GPN2: variants seen among roughly 807,000 people sequenced by gnomAD.
The protein encoded by GPN2 is ATP-binding domain 1 family member B.
A neutral mutation model predicts 30.1 loss-of-function variants in GPN2; 27 were observed. That is an observed-to-expected ratio of 0.90 (90% CI 0.66 to 1.24). The LOEUF (loss-of-function observed/expected upper bound fraction) is 1.24, where lower values mean the gene tolerates loss of function less well. Among genes scored for constraint, GPN2 ranks in the 50% most tolerant of loss-of-function variants. The pLI is 0.00. For synonymous variants in GPN2, 212 were observed against 174.4 expected (o/e 1.22, Z -1.70); for missense variants, 406 against 405.4 (o/e 1.00, Z -0.01).
At chr1:26,883,086 T>C (rs979736528) in intron 4 of GPN2, among the ~76,000 whole-genome samples, 2 of 152,228 alleles carry the variant, frequency 1.3e-5, no homozygotes, top group Non-Finnish European at 2.9e-5. Flanking sequence ...AAAACTCTTT[T>C]GCCCCCAATC....
At chr1:26,879,850 A>C in intron 4 of GPN2, 101 bp from the exon 5 acceptor site, 2 of 762,918 alleles carry the variant, frequency 2.6e-6, no homozygotes, top group South Asian at 3.0e-5. Context: ...AACCATGTCC[A>C]TCCCTCTCTT....
At chr1:26,883,452 T>A (rs2081874445) in intron 4 of GPN2, among the ~76,000 whole-genome samples, 1 of 152,074 alleles carries the variant, frequency 6.6e-6, no homozygotes, top group South Asian at 2.1e-4. Flanking sequence ...CCTTTGCACA[T>A]GAGAGACAGT....
In GPN2 at chr1:26,876,631, C is replaced by T. The variant is rs1186722163; in HGVS notation, c.*3046G>A. On this transcript the variant is annotated 3_prime_UTR_variant, in exon 5 of 5. Coordinates refer to ENST00000374135, the MANE Select transcript of GPN2 (RefSeq NM_018066.4). ...TAATGGAGGATGGTCTTTCTTCTAC[C>T]CTAGACATTTCACACTGAACAGGCC... is the stretch of plus-strand genomic sequence containing the variant. 1 of 152,122 alleles carries T rather than the reference C, an allele frequency of 6.6e-6. No homozygotes were observed. The highest frequency in any genetic ancestry group is 1.5e-5 in the Non-Finnish European group (1 of 68,042). The allele number at this position is 152,122 out of a possible 1,614,324, so 9.4% of individuals were successfully genotyped here.
chr1:26,886,077 G>C lies in GPN2; in HGVS notation c.625C>G (p.Leu209Val), dbSNP rs759468712. 3.1e-6 allele frequency: 5 copies of C among 1,613,316 alleles called. No individual in the cohort carries two copies. The highest frequency in any genetic ancestry group is 2.2e-5 in the East Asian group (1 of 44,890). ...TGGCGGAAGAAAGGGTCAGAAGCCA[G>C]GTGGTCAAGCAGGTAGGAGAGGTCC... ...VLDLSYLLDHLASDPFFRHYR... is the reference protein window; with the variant it reads ...VLDLSYLLDHVASDPFFRHYR... Residue 209 changes from leucine (L) to valine (V), a missense_variant, in exon 3 of 5, where the codon CTG (leucine) becomes GTG (valine). Physicochemically the swap from Leu to Val is conservative, Grantham distance 32 (BLOSUM62 1). Coordinates refer to ENST00000374135, the MANE Select transcript of GPN2 (RefSeq NM_018066.4).
Position 26,889,739 on chromosome 1 carries a change from G to A in GPN2, c.358C>T (p.His120Tyr), listed in dbSNP as rs773339791. 4 of 1,610,080 alleles carry A rather than the reference G, an allele frequency of 2.5e-6. No homozygotes were observed. The South Asian group carries it at 4.4e-5, about 18-fold the overall frequency. ...DCPGQVELCT[H>Y]HGALRSIFSQ... ...AAGATGCTGCGCAAGGCGCCGTGATGCGTGCAGAGCTCCACCTGGCCTGGG... is the reference window on the plus strand; with the variant it reads ...AAGATGCTGCGCAAGGCGCCGTGATACGTGCAGAGCTCCACCTGGCCTGGG... Residue 120 changes from histidine (H) to tyrosine (Y), a missense_variant, in exon 1 of 5, where the codon CAT becomes TAT. His to Tyr is a moderately conservative substitution (Grantham distance 83). Coordinates refer to ENST00000374135, the MANE Select transcript of GPN2 (RefSeq NM_018066.4).
At position 26,889,708 on chromosome 1, in the gene GPN2, T is replaced by A; in HGVS notation, c.389A>T (p.Gln130Leu). 6.3e-7 allele frequency: 1 copy of A among 1,590,002 alleles called. No homozygotes were observed. Among genetic ancestry groups the A allele is most frequent in the Non-Finnish European group, 8.6e-7 (1 of 1,165,132 alleles). The change falls in exon 1 of 5, where the codon CAA (glutamine) becomes CTA (leucine). Residue 130 changes from glutamine (Q) to leucine (L), a missense_variant. By Grantham distance (113) the Gln-to-Leu change is moderately radical. Coordinates refer to ENST00000374135, the MANE Select transcript of GPN2 (RefSeq NM_018066.4). ...CACCCTGAGGTCCCACTGCGCCATT[T>A]GGGAGAAGATGCTGCGCAAGGCGCC... ...HHGALRSIFS[Q>L]MAQWDLRLTA...
chr1:26,879,163 T>C lies in GPN2; in HGVS notation c.*514A>G, dbSNP rs890090164. On this transcript the variant is annotated 3_prime_UTR_variant, in exon 5 of 5. Coordinates refer to ENST00000374135, the MANE Select transcript of GPN2 (RefSeq NM_018066.4). Reference sequence around the variant, plus strand: ...GAGTTTGAGTCCAGCCTGGGCCATATAGCAAGACCCCATCTTTTAAAAAAC... The same window carrying C: ...GAGTTTGAGTCCAGCCTGGGCCATACAGCAAGACCCCATCTTTTAAAAAAC... 1 of 156,898 alleles carries C rather than the reference T, an allele frequency of 6.4e-6. No individual in the cohort carries two copies. The highest frequency in any genetic ancestry group is 6.1e-5 in the Admixed American group (1 of 16,364). 9.7% of individuals were successfully genotyped at this position (156,898 alleles called of 1,614,324 possible).
intron 3 of GPN2, among the ~76,000 whole-genome samples, 158 bp downstream of exon 3, chr1:26,885,815 A>C (rs1047701327): frequency 6.6e-6 from 1 of 151,830 alleles, no homozygotes; most frequent in African/African-American, 2.4e-5. Context: ...TCCTGACCTC[A>C]TGATCTGCCC....
In GPN2 at chr1:26,878,255, T is replaced by C. The variant is rs533033289; in HGVS notation, c.*1422A>G. 1 of 152,128 alleles carries C rather than the reference T, an allele frequency of 6.6e-6. No homozygotes were observed. Among genetic ancestry groups the C allele is most frequent in the Non-Finnish European group, 1.5e-5 (1 of 68,028 alleles). 9.4% of individuals were successfully genotyped at this position (152,128 alleles called of 1,614,324 possible). A position where few individuals can be genotyped will look rare whatever the true frequency, so the allele number is the denominator to read the frequency against. On this transcript the variant is annotated 3_prime_UTR_variant, in exon 5 of 5. Coordinates refer to ENST00000374135, the MANE Select transcript of GPN2 (RefSeq NM_018066.4). ...TGCCACACTCTCATAGGAACTGCCA[T>C]ATTATATAATTAATATTTTTCTTTA...
rs536983805 is a variant in GPN2 at position 26,879,744 on chromosome 1, A to G, written c.866T>C (p.Leu289Pro). The change falls in exon 5 of 5, where the codon CTG (leucine) becomes CCG (proline). Residue 289 changes from leucine to proline, a missense_variant. Leu to Pro is a moderately conservative substitution (Grantham distance 98). Coordinates refer to ENST00000374135, the MANE Select transcript of GPN2 (RefSeq NM_018066.4). ...TGCCAGGTACTTCTCCTGGATGCCCAGTGTGCTGAGGAAGGGTGCGTCAAG... is the reference window on the plus strand; with the variant it reads ...TGCCAGGTACTTCTCCTGGATGCCCGGTGTGCTGAGGAAGGGTGCGTCAAG... ...MGADFHFSST[L>P]GIQEKYLAPS... 2 of 1,613,360 alleles carry G rather than the reference A, an allele frequency of 1.2e-6. No individual in the cohort carries two copies. Among genetic ancestry groups the G allele is most frequent in the South Asian group, 2.2e-5 (2 of 90,984 alleles).
rs369429461 is a variant in GPN2 at position 26,876,570 on chromosome 1, A to G, written c.*3107T>C. 1 of 152,178 alleles carries G rather than the reference A, an allele frequency of 6.6e-6. No individual in the cohort carries two copies. Among genetic ancestry groups the G allele is most frequent in the Non-Finnish European group, 1.5e-5 (1 of 68,044 alleles). The allele number at this position is 152,178 out of a possible 1,614,324, so 9.4% of individuals were successfully genotyped here. ...TTTCCTATATTTATTAGGAAATTTA[A>G]AAATAATCTTAAGGATGACTGCCAC... On this transcript the variant is annotated 3_prime_UTR_variant, in exon 5 of 5. Coordinates refer to ENST00000374135, the MANE Select transcript of GPN2 (RefSeq NM_018066.4).
intron 4 of GPN2, among the ~76,000 whole-genome samples, chr1:26,880,108 A>G (rs2081857002): frequency 6.6e-6 from 1 of 152,206 alleles, no homozygotes; most frequent in Non-Finnish European, 1.5e-5. Flanking sequence ...ATGTTAGGAC[A>G]CCATGGCTGT....
chr1:26,882,188 A>T (rs956999614), intron 4 of GPN2, among the ~76,000 whole-genome samples: 5 of 149,898 alleles, frequency 3.3e-5, no homozygotes, highest in Non-Finnish European at 5.9e-5. Context: ...TTGCACTCCA[A>T]CTGGGGCAAC....
chr1:26,889,196 G>A (rs972247054), intron 1 of GPN2, 71 bp from the exon 2 acceptor site: 2 of 1,222,818 alleles, frequency 1.6e-6, no homozygotes, highest in Non-Finnish European at 2.4e-6. Flanking sequence ...GAGAATGAGG[G>A]CTTGAGGACA....
rs2081854713 is a variant in GPN2 at position 26,879,624 on chromosome 1, C to T, written c.*53G>A. The T allele has an allele frequency of 7.4e-7, 1 of 1,356,238 alleles. No homozygotes were observed. The highest frequency in any genetic ancestry group is 1.1e-6 in the Non-Finnish European group (1 of 950,558). The allele number at this position is 1,356,238 out of a possible 1,614,324, so 84.0% of individuals were successfully genotyped here. On this transcript the variant is annotated 3_prime_UTR_variant, in exon 5 of 5. Transcript: ENST00000374135. Reference sequence around the variant, plus strand: ...GTCTGCAGCCTGCATCAGGAGCCTCCACTTTCCCCAGTGCTGGATTATGCA... The same window carrying T: ...GTCTGCAGCCTGCATCAGGAGCCTCTACTTTCCCCAGTGCTGGATTATGCA...
Position 26,890,083 on chromosome 1 carries a change from G to A in GPN2, c.14C>T (p.Ala5Val), listed in dbSNP as rs372646378. MAGA[A>V]PTTAFGQAVI... ...CGCCTGCCCGAAGGCCGTGGTCGGA[G>A]CGGCCCCTGCCATTGGCGGCCCGCG... Residue 5 changes from alanine to valine, a missense_variant, in exon 1 of 5, where the codon GCT (alanine) becomes GTT (valine). Coordinates refer to ENST00000374135, the MANE Select transcript of GPN2 (RefSeq NM_018066.4). 9.7e-6 allele frequency: 15 copies of A among 1,540,972 alleles called. No individual in the cohort carries two copies. Among genetic ancestry groups the A allele is most frequent in the Non-Finnish European group, 1.3e-5 (15 of 1,149,656 alleles).
rs1018154029 is a variant in GPN2, at chr1:26,889,692, G to T, written c.405C>A (p.Asp135Glu). The change falls in exon 1 of 5, where the codon GAC becomes GAA. Residue 135 changes from aspartate (D) to glutamate (E), a missense_variant. Transcript: ENST00000374135. Reference sequence around the variant, plus strand: ...TCCCCGCCCTGAGACGCACCCTGAGGTCCCACTGCGCCATTTGGGAGAAGA... The same window carrying T: ...TCCCCGCCCTGAGACGCACCCTGAGTTCCCACTGCGCCATTTGGGAGAAGA... ...RSIFSQMAQW[D>E]LRLTAVHLVD... 3 of 1,577,094 alleles carry T rather than the reference G, an allele frequency of 1.9e-6. No individual in the cohort carries two copies. The African/African-American group carries it at 4.0e-5, about 21-fold the overall frequency.
chr1:26,876,298 T>G lies in GPN2; in HGVS notation c.*3379A>C, dbSNP rs1176307725. On this transcript the variant is annotated 3_prime_UTR_variant, in exon 5 of 5. Coordinates refer to ENST00000374135, the MANE Select transcript of GPN2 (RefSeq NM_018066.4). ...TGGCGCGATCTCCGCTCACTGAAAC[T>G]TCCGCCTCCCAGGTTCAAGCGATTC... 2 of 149,142 alleles carry G rather than the reference T, an allele frequency of 1.3e-5. No individual in the cohort carries two copies. Among genetic ancestry groups the G allele is most frequent in the East Asian group, 2.1e-4 (1 of 4,734 alleles). 9.2% of individuals were successfully genotyped at this position (149,142 alleles called of 1,614,324 possible).
At chr1:26,888,840 T>G in intron 2 of GPN2, 129 bp downstream of exon 2, 1 of 845,020 alleles carries the variant, frequency 1.2e-6, no homozygotes, top group South Asian at 1.5e-5. Context: ...TGGGCAGGAG[T>G]TAGAACCTGC....
Sources: allele counts gnomAD v4.1 joint callset (sites outside exome capture counted in the v4.1 genomes callset), GRCh38; gene constraint gnomAD v4.1.1; transcripts MANE v1.5; gene names NCBI Gene and HGNC (gene_info 2026-07-23, HGNC 2026-07-21).